Variants in ANXA5 observed in about 807,000 individuals in gnomAD.
ANXA5 encodes CBP-I.
Under a neutral mutation model 48.1 loss-of-function variants are expected in ANXA5, and 40 were observed. The ratio of observed to expected loss-of-function variants is 0.83; its 90% CI spans 0.65 to 1.08. ANXA5 has a LOEUF of 1.08. Ranked by LOEUF, ANXA5 falls within the 50% of genes least tolerant of loss-of-function variation. The probability of loss-of-function intolerance (pLI) is 0.00; values close to 1 mark genes in which losing one functional copy is unlikely to be tolerated. For synonymous variants in ANXA5, 113 were observed against 129.1 expected (o/e 0.88, Z 0.85); for missense variants, 357 against 376.8 (o/e 0.95, Z 0.44).
intron 10 of ANXA5, among the ~76,000 whole-genome samples, chr4:121,670,972 C>T (rs1012092546): frequency 8.5e-5 from 13 of 152,120 alleles, no homozygotes; most frequent in Admixed American, 8.5e-4. Context: ...AGGAGACTCA[C>T]AAACTAGATT....
chr4:121,678,633 G>T, intron 6 of ANXA5, 139 bp from the exon 7 acceptor site: 2 of 734,316 alleles, frequency 2.7e-6, no homozygotes, highest in Non-Finnish European at 4.4e-6. Flanking sequence ...TTCCATCTCT[G>T]AATGCTCTAA....
chr4:121,693,159 A>G (rs2110492514), intron 2 of ANXA5, among the ~76,000 whole-genome samples: 1 of 152,208 alleles, frequency 6.6e-6, no homozygotes, highest in African/African-American at 2.4e-5. Context: ...AGTTGAACCC[A>G]GGAAGCAGAG....
chr4:121,683,439 T>G lies in ANXA5; in HGVS notation c.228A>C (p.Lys76Asn). Residue 76 changes from lysine to asparagine, a missense_variant, in exon 5 of 13, where the codon AAA becomes AAC. By Grantham distance (94) the Lys-to-Asn change is moderately conservative. Transcript: ENST00000296511. ...LDDLKSELTGKFEKLIVALMK... is the reference protein window; with the variant it reads ...LDDLKSELTGNFEKLIVALMK... ...TCAGAGCCACAATTAATTTTTCAAA[T>G]TTTCCAGTTAGTTCTGATTTCAGGT... 1.9e-6 allele frequency: 3 copies of G among 1,611,680 alleles called. No individual in the cohort carries two copies. Among genetic ancestry groups the G allele is most frequent in the Non-Finnish European group, 2.5e-6 (3 of 1,178,534 alleles).
intron 6 of ANXA5, among the ~76,000 whole-genome samples, chr4:121,679,870 G>C (rs1005434899): frequency 9.2e-5 from 14 of 152,092 alleles, no homozygotes; most frequent in African/African-American, 3.1e-4. Context: ...ACTTCATATA[G>C]TCTATATTTT....
At chr4:121,682,245 T>A in intron 5 of ANXA5, among the ~76,000 whole-genome samples, 1 of 152,208 alleles carries the variant, frequency 6.6e-6, no homozygotes, top group East Asian at 1.9e-4. Flanking sequence ...AAATTCTACA[T>A]CAAAGGTAAC....
At chr4:121,671,752 C>T in intron 9 of ANXA5, 110 bp from the exon 10 acceptor site, 1 of 733,938 alleles carries the variant, frequency 1.4e-6, no homozygotes, top group South Asian at 1.7e-5. Context: ...TCCCCTTCTT[C>T]CTTGCTGACA....
chr4:121,689,593 A>G (rs1724947846), intron 2 of ANXA5, among the ~76,000 whole-genome samples: 1 of 152,208 alleles, frequency 6.6e-6, no homozygotes, highest in African/African-American at 2.4e-5. Context: ...TTGGCTAAAG[A>G]GTTAAGTATT....
At chr4:121,669,862 C>A in intron 11 of ANXA5, 92 bp downstream of exon 11, 2 of 1,452,140 alleles carry the variant, frequency 1.4e-6, no homozygotes, top group Admixed American at 4.2e-5. Context: ...GGAAAAATTC[C>A]CAAGGTCTAT....
chr4:121,674,877 G>C (rs944039508), intron 8 of ANXA5, among the ~76,000 whole-genome samples: 1 of 152,100 alleles, frequency 6.6e-6, no homozygotes, highest in Admixed American at 6.5e-5. Flanking sequence ...ATAAGCCCTG[G>C]TTCAGTGCAA....
Position 121,677,991 on chromosome 4 carries a change from T to C in ANXA5, c.475-41A>G, listed in dbSNP as rs746868578. 5.8e-6 allele frequency: 9 copies of C among 1,539,140 alleles called. No homozygotes were observed. In the East Asian group the frequency reaches 1.8e-4, roughly 31 times the overall value. On this transcript the variant is annotated intron_variant, in intron 7 of 12. Coordinates refer to ENST00000296511, the MANE Select transcript of ANXA5 (RefSeq NM_001154.4). ...TGTCACATTACTGAACTATAGAGCA[T>C]TCTCATTCAAAAGGAAAAATGGTTC... is the stretch of plus-strand genomic sequence containing the variant.
intron 10 of ANXA5, among the ~76,000 whole-genome samples, chr4:121,670,268 G>A (rs1168927542): frequency 2.0e-5 from 3 of 152,166 alleles, no homozygotes; most frequent in South Asian, 2.1e-4. Flanking sequence ...TTTTCTATGC[G>A]CCTTGGTTCT....
intron 10 of ANXA5, among the ~76,000 whole-genome samples, chr4:121,670,583 G>A (rs1382706685): frequency 6.7e-6 from 1 of 148,772 alleles, no homozygotes; most frequent in African/African-American, 2.4e-5. Context: ...GTTGAATGTA[G>A]GTTGGGGCTG....
chr4:121,681,594 A>C (rs1157412192), intron 6 of ANXA5, 77 bp downstream of exon 6: 1 of 957,176 alleles, frequency 1.0e-6, no homozygotes, highest in African/African-American at 1.6e-5. Context: ...CATACCTACA[A>C]AGGACTGCAT....
At chr4:121,694,105 G>GT (rs1356612833) in intron 2 of ANXA5, among the ~76,000 whole-genome samples, 4 of 45,254 alleles carry the variant, frequency 8.8e-5, no homozygotes, top group African/African-American at 1.8e-4. Flanking sequence ...TTGTGGGCGG[G>GT]GGGGAGGGGG....
intron 2 of ANXA5, among the ~76,000 whole-genome samples, chr4:121,694,409 C>T (rs905013903): frequency 3.3e-5 from 5 of 151,976 alleles, no homozygotes; most frequent in Admixed American, 2.0e-4. Context: ...TTTTTTGAGA[C>T]GTAGTCTCAC....
At position 121,669,959 on chromosome 4, in the gene ANXA5, T is replaced by A; in HGVS notation, c.775A>T (p.Met259Leu). 6.3e-7 allele frequency: 1 copy of A among 1,597,564 alleles called. No individual in the cohort carries two copies. The highest frequency in any genetic ancestry group is 8.5e-7 in the Non-Finnish European group (1 of 1,171,570). ...AYLAETLYYA[M>L]KGAGTDDHTL... ...GGTTCATGGTCTCCACTTACCTTCA[T>A]AGCATAATAGAGGGTCTCTGCAAGG... is the stretch of plus-strand genomic sequence containing the variant. The change falls in exon 11 of 13, where the codon ATG (methionine) becomes TTG (leucine). Residue 259 changes from methionine (M) to leucine (L), a missense_variant. By Grantham distance (15) the Met-to-Leu change is conservative. Transcript: ENST00000296511.
chr4:121,670,387 C>T (rs1478938471), intron 10 of ANXA5, among the ~76,000 whole-genome samples: 2 of 152,142 alleles, frequency 1.3e-5, no homozygotes, highest in East Asian at 3.8e-4. Context: ...GTTTTCATTC[C>T]AAGACATTAA....
chr4:121,668,339 T>C lies in ANXA5; in HGVS notation c.*129A>G, dbSNP rs1724554630. On this transcript the variant is annotated 3_prime_UTR_variant, in exon 13 of 13. Coordinates refer to ENST00000296511, the MANE Select transcript of ANXA5 (RefSeq NM_001154.4). The stretch of plus-strand genomic sequence containing the variant: ...TATTTTCTTCTATGACGTGTATGTG[T>C]TGGTCATGAGCATGCTAGTATGAAT... The C allele has an allele frequency of 1.3e-6, 1 of 751,768 alleles. No individual in the cohort carries two copies. The highest frequency in any genetic ancestry group is 1.7e-5 in the African/African-American group (1 of 57,516). The allele number at this position is 751,768 out of a possible 1,614,324, so 46.6% of individuals were successfully genotyped here. A position where few individuals can be genotyped will look rare whatever the true frequency, so the allele number is the denominator to read the frequency against.
Position 121,686,731 on chromosome 4 carries a change from C to T in ANXA5, c.10-359G>A, listed in dbSNP as rs1724897767. 2.0e-5 allele frequency among the ~76,000 whole-genome samples: 3 copies of T among 152,162 alleles called. No individual in the cohort carries two copies. In the South Asian group the frequency reaches 6.2e-4, roughly 32 times the overall value. Reference sequence around the variant, plus strand: ...GATCTACAAGCATACTGAGCCCGCACTAAATCTTAATACCCTATCCTGAGT... The same window carrying T: ...GATCTACAAGCATACTGAGCCCGCATTAAATCTTAATACCCTATCCTGAGT... On this transcript the variant is annotated intron_variant, in intron 2 of 12. Coordinates refer to ENST00000296511, the MANE Select transcript of ANXA5 (RefSeq NM_001154.4).
Sources: gnomAD v4.1 joint callset for allele counts (sites outside exome capture counted in the v4.1 genomes callset) on GRCh38, gnomAD v4.1.1 for gene constraint, MANE v1.5 for transcripts, NCBI Gene and HGNC (gene_info 2026-07-23, HGNC 2026-07-21) for gene names.